The following METTL15 variants were observed in gnomAD, a reference collection of about 807,000 sequenced individuals.
The protein encoded by METTL15 is methyltransferase 15, mitochondrial 12S rRNA N4-cytidine, also known as 12S rRNA N(4)-cytidine methyltransferase METTL15.
In METTL15, 34 loss-of-function variants were observed where a neutral mutation model predicts 38.3. That is an observed-to-expected ratio of 0.89 (90% CI 0.68 to 1.18). The LOEUF (loss-of-function observed/expected upper bound fraction) is 1.18. Among genes scored for constraint, METTL15 ranks in the 50% most tolerant of loss-of-function variants. The pLI, the probability that METTL15 is intolerant of heterozygous loss-of-function variation, is 0.00. For synonymous variants in METTL15, 162 were observed against 170.9 expected, an observed-to-expected ratio of 0.95 and a Z score of 0.41; for missense variants, 438 against 498.4, an observed-to-expected ratio of 0.88 and a Z score of 1.15.
At chr11:28,174,446 T>C (rs1012952869) in intron 3 of METTL15, among the ~76,000 whole-genome samples, 4 of 152,182 alleles carry the variant, frequency 2.6e-5, no homozygotes, top group Non-Finnish European at 4.4e-5. Flanking sequence ...ATATGCAGCA[T>C]TATTTCAAAT....
intron 4 of METTL15, among the ~76,000 whole-genome samples, chr11:28,218,219 C>A (rs1240286331): frequency 6.6e-6 from 1 of 152,090 alleles, no homozygotes; most frequent in African/African-American, 2.4e-5. Context: ...ATGTTTGTAT[C>A]CTCTTTTATT....
rs531427907 is a variant in METTL15 at position 28,464,983 on chromosome 11, T to G, written c.*424+40619T>G. On this transcript the variant is annotated intron_variant and NMD_transcript_variant, in intron 6 of 7. Transcript: ENST00000532947. ...AATCACATACAAGCTTCTTGGAAGA[T>G]CTGGTCACACTCACTCTATTTCCTT... is the stretch of plus-strand genomic sequence containing the variant. 2.6e-5 allele frequency among the ~76,000 whole-genome samples: 4 copies of G among 152,328 alleles called. No homozygotes were observed. In the South Asian group the frequency reaches 8.3e-4, roughly 32 times the overall value.
At chr11:28,299,182 C>T (rs1856834466) in intron 6 of METTL15, among the ~76,000 whole-genome samples, 1 of 152,000 alleles carries the variant, frequency 6.6e-6, no homozygotes, top group African/African-American at 2.4e-5. Context: ...ATTGCAGTTC[C>T]ATGAAGTTGA....
chr11:28,186,157 C>G (rs567077807), intron 3 of METTL15, among the ~76,000 whole-genome samples: 111 of 151,046 alleles, frequency 7.3e-4, no homozygotes, highest in African/African-American at 1.8e-3. Flanking sequence ...AAATCATCCA[C>G]TATAATAAAT....
chr11:28,208,552 G>A lies in METTL15; in HGVS notation c.271-2510G>A, dbSNP rs545894989. Reference sequence around the variant, plus strand: ...CAAGTATGTGGTCAATTTTGGAATAGGTGTGGTGTGGTGCTGAAAAAAATG... The same window carrying A: ...CAAGTATGTGGTCAATTTTGGAATAAGTGTGGTGTGGTGCTGAAAAAAATG... On this transcript the variant is annotated intron_variant, in intron 3 of 6. Transcript: ENST00000407364. 1.4e-4 allele frequency among the ~76,000 whole-genome samples: 21 copies of A among 152,106 alleles called. No homozygotes were observed. The South Asian group carries it at 1.9e-3, about 14-fold the overall frequency.
intron 4 of METTL15, among the ~76,000 whole-genome samples, chr11:28,356,279 G>T (rs149392159): frequency 3.2e-4 from 48 of 152,182 alleles, no homozygotes; most frequent in African/African-American, 1.1e-3. Flanking sequence ...CCTCCCACTG[G>T]ATTTCAAGAT....
intron 6 of METTL15, among the ~76,000 whole-genome samples, chr11:28,431,224 C>T (rs1252209048): frequency 1.4e-5 from 2 of 139,060 alleles, no homozygotes; most frequent in African/African-American, 5.0e-5. Flanking sequence ...GCCCGGCCGC[C>T]CCTACTGGGA....
Position 28,113,389 on chromosome 11 carries a change from T to C in METTL15, c.55T>C (p.Leu19=). 1.3e-6 allele frequency: 2 copies of C among 1,594,566 alleles called. No individual in the cohort carries two copies. The highest frequency in any genetic ancestry group is 8.5e-7 in the Non-Finnish European group (1 of 1,169,906). Residue 19 remains leucine (L), a synonymous_variant, in exon 3 of 7, where the codon TTG becomes CTG. Transcript: ENST00000407364. ...GTATAAAGAATGCCTTTCATGTTGG[T>C]TGGAATCTGGCATACCTAATTTAGG... is the stretch of plus-strand genomic sequence containing the variant. ...RMYKECLSCW[L]ESGIPNLGVW...
chr11:28,194,122 A>ATCTATCTTTCTTTCTTTCTTTCTT (rs1554995563), intron 3 of METTL15, among the ~76,000 whole-genome samples: 4 of 99,078 alleles, frequency 4.0e-5, no homozygotes, highest in African/African-American at 7.9e-5. Flanking sequence ...TTGATGGTTG[A>ATCTATCTTTCTTTCTTTCTTTCTT]TCTTTCTTTC....
chr11:28,134,563 A>C (rs1266823740), intron 3 of METTL15: 1 of 398,386 alleles, frequency 2.5e-6, no homozygotes, highest in African/African-American at 2.1e-5. Flanking sequence ...TGTTGCGAAA[A>C]AGTGGACGAA....
intron 6 of METTL15, among the ~76,000 whole-genome samples, chr11:28,475,557 G>A (rs1851338960): frequency 6.6e-6 from 1 of 152,154 alleles, no homozygotes; most frequent in Non-Finnish European, 1.5e-5. Context: ...CTACTTCAGT[G>A]TTGCCATTGG....
At chr11:28,229,525 G>A (rs543442843) in intron 4 of METTL15, among the ~76,000 whole-genome samples, 1 of 152,070 alleles carries the variant, frequency 6.6e-6, no homozygotes, top group Non-Finnish European at 1.5e-5. Flanking sequence ...CTTTGGGGAA[G>A]TGATTAAGTT....
chr11:28,328,769 GACAT>G (rs1849721017), intron 6 of METTL15, among the ~76,000 whole-genome samples: 1 of 151,982 alleles, frequency 6.6e-6, no homozygotes. Context: ...AAGTAGATGG[GACAT>G]ACCTGTTTTG....
At chr11:28,209,203 G>A (rs1457735973) in intron 3 of METTL15, among the ~76,000 whole-genome samples, 1 of 151,786 alleles carries the variant, frequency 6.6e-6, no homozygotes, top group Non-Finnish European at 1.5e-5. Flanking sequence ...TCAGAATAAG[G>A]GTAATTGTAT....
At chr11:28,261,709 C>T (rs527663675) in intron 4 of METTL15, among the ~76,000 whole-genome samples, 5 of 152,174 alleles carry the variant, frequency 3.3e-5, no homozygotes, top group Admixed American at 6.6e-5. Context: ...ACTTCTTTTA[C>T]GTTTTCTAGA....
At chr11:28,422,690 T>C (rs1850830944) in intron 5 of METTL15, among the ~76,000 whole-genome samples, 1 of 151,962 alleles carries the variant, frequency 6.6e-6, no homozygotes, top group Admixed American at 6.6e-5. Context: ...TATACAAAAA[T>C]AAAATCAAAA....
At chr11:28,223,853 T>C (rs549850451) in intron 4 of METTL15, among the ~76,000 whole-genome samples, 2 of 152,210 alleles carry the variant, frequency 1.3e-5, no homozygotes, top group African/African-American at 4.8e-5. Flanking sequence ...CAATGAGGTG[T>C]TGGTTGACTT....
At chr11:28,158,230 C>T (rs974723909) in intron 3 of METTL15, among the ~76,000 whole-genome samples, 4 of 152,190 alleles carry the variant, frequency 2.6e-5, no homozygotes, top group Admixed American at 1.3e-4. Context: ...TGCTCACCAA[C>T]GGGTGATCCC....
chr11:28,253,546 A>T (rs916006142), intron 4 of METTL15, among the ~76,000 whole-genome samples: 1 of 152,040 alleles, frequency 6.6e-6, no homozygotes, highest in Non-Finnish European at 1.5e-5. Flanking sequence ...TCTAGGTCTT[A>T]TTAACTCTTT....
Sources: allele counts gnomAD v4.1 joint callset (sites outside exome capture counted in the v4.1 genomes callset), GRCh38; gene constraint gnomAD v4.1.1; transcripts MANE v1.5; gene names NCBI Gene and HGNC (gene_info 2026-07-23, HGNC 2026-07-21).